PC: variants seen among roughly 807,000 people sequenced by gnomAD.
PC encodes pyruvate carboxylase, mitochondrial.
PC carries 46 observed loss-of-function variants against 107.8 expected under a neutral mutation model. The ratio of observed to expected loss-of-function variants is 0.43; its 90% CI spans 0.34 to 0.55. PC has a LOEUF of 0.55. PC is among the 20% of genes least tolerant of loss of function. The pLI is 0.04. For synonymous variants in PC, 662 were observed against 684.7 expected (o/e 0.97, Z 0.52); for missense variants, 1,241 against 1,643.1 (o/e 0.76, Z 4.23).
intron 10 of PC, among the ~76,000 whole-genome samples, chr11:66,868,411 A>G (rs1476070519): frequency 6.6e-6 from 1 of 152,278 alleles, no homozygotes; most frequent in Non-Finnish European, 1.5e-5. Context: ...AAAATTCTAT[A>G]TAAAACATCT....
At chr11:66,923,973 C>T (rs1225871849) in intron 3 of PC, among the ~76,000 whole-genome samples, 14 of 150,454 alleles carry the variant, frequency 9.3e-5, no homozygotes, top group African/African-American at 3.2e-4. Flanking sequence ...GAGGCTAGGG[C>T]CAGTGGATCA....
intron 3 of PC, among the ~76,000 whole-genome samples, chr11:66,877,997 C>A (rs937859600): frequency 6.6e-6 from 1 of 151,914 alleles, no homozygotes; most frequent in South Asian, 2.1e-4. Context: ...ATTGGGGATG[C>A]GTTATTTATA....
rs376815186 is a variant in PC, at chr11:66,856,444, G to A, written c.1369-3061C>T. On this transcript the variant is annotated intron_variant, in intron 12 of 22. Coordinates refer to ENST00000393960, the MANE Select transcript of PC (RefSeq NM_001040716.2). The stretch of plus-strand genomic sequence containing the variant: ...GCGGCGGGGGCGGGGCGCCTGCCCG[G>A]AGGCCAAGCCCTCTCGGCCCCACCC... 6.6e-5 allele frequency among the ~76,000 whole-genome samples: 10 copies of A among 152,122 alleles called. No individual in the cohort carries two copies. The East Asian group carries it at 1.7e-3, about 27-fold the overall frequency.
At chr11:66,905,594 A>G (rs1331533172) in intron 3 of PC, among the ~76,000 whole-genome samples, 1 of 152,236 alleles carries the variant, frequency 6.6e-6, no homozygotes, top group Non-Finnish European at 1.5e-5. Context: ...TAGGGATGTA[A>G]TACATGCTAC....
At chr11:66,913,279 T>C (rs571480553) in intron 3 of PC, among the ~76,000 whole-genome samples, 1 of 151,518 alleles carries the variant, frequency 6.6e-6, no homozygotes, top group Non-Finnish European at 1.5e-5. Context: ...CTAGGATGCA[T>C]GGGGCCCCAG....
chr11:66,901,617 C>A (rs559818488), intron 3 of PC, among the ~76,000 whole-genome samples: 4 of 152,246 alleles, frequency 2.6e-5, no homozygotes, highest in Admixed American at 6.5e-5. Flanking sequence ...ATTACAGGCA[C>A]CTGCCACCAT....
intron 3 of PC, among the ~76,000 whole-genome samples, chr11:66,903,050 G>C (rs372982348): frequency 6.6e-5 from 10 of 152,314 alleles, no homozygotes; most frequent in East Asian, 1.9e-4. Flanking sequence ...ACATTAGCAG[G>C]GGGGTGTTCA....
intron 3 of PC, among the ~76,000 whole-genome samples, chr11:66,943,511 C>T (rs138216216): frequency 1.5e-4 from 22 of 151,170 alleles, no homozygotes; most frequent in African/African-American, 9.7e-5. Flanking sequence ...GGCCGAGGCC[C>T]GGATCATGAG....
chr11:66,943,342 C>T (rs1257402813), intron 3 of PC, among the ~76,000 whole-genome samples: 3 of 151,970 alleles, frequency 2.0e-5, no homozygotes, highest in African/African-American at 2.4e-5. Context: ...CCTGTGAGGA[C>T]GCAGCCTGAA....
At chr11:66,924,836 T>C (rs547515289) in intron 3 of PC, among the ~76,000 whole-genome samples, 186 of 152,238 alleles carry the variant, frequency 1.2e-3, no homozygotes, top group African/African-American at 4.1e-3. Context: ...AGGGGAGGTA[T>C]CGGGGGAAAC....
At chr11:66,853,532 CT>C in intron 12 of PC, 149 bp from the exon 13 acceptor site, 1 of 907,078 alleles carries the variant, frequency 1.1e-6, no homozygotes, top group Non-Finnish European at 1.8e-6. Context: ...TTCCCCGTCC[CT>C]CAGCCCTCTC....
In PC at chr11:66,858,746, G is replaced by C; in HGVS notation, c.1368+5028C>G. The C allele has an allele frequency of 6.4e-7, 1 of 1,554,650 alleles. No individual in the cohort carries two copies. On this transcript the variant is annotated intron_variant, in intron 12 of 22. Transcript: ENST00000393960. This position sits in a 1 kb window ranked among gnomAD's most constrained non-coding sequence, Gnocchi z 5.9. ...CCCGAGCCCGGGCTTTCCCCAACGG[G>C]ACCTTAGAGATTGGGGTGACCGGCG...
At chr11:66,930,173 G>A (rs1430655427) in intron 3 of PC, among the ~76,000 whole-genome samples, 1 of 141,086 alleles carries the variant, frequency 7.1e-6, no homozygotes, top group Non-Finnish European at 1.5e-5. Context: ...TCCTTGGCAG[G>A]TAGAAAAACA....
chr11:66,873,445 T>A (rs1448832154), intron 3 of PC, among the ~76,000 whole-genome samples: 1 of 86,656 alleles, frequency 1.2e-5, no homozygotes, highest in African/African-American at 4.8e-5. Context: ...ATATATTATA[T>A]TATATATAAA....
chr11:66,944,821 A>C (rs1265577308), intron 3 of PC, among the ~76,000 whole-genome samples: 1 of 116,452 alleles, frequency 8.6e-6, no homozygotes, highest in African/African-American at 3.1e-5. Flanking sequence ...ATTGGGCCAC[A>C]TGTGCATCAG....
intron 3 of PC, among the ~76,000 whole-genome samples, chr11:66,878,629 G>C (rs1470217045): frequency 6.6e-6 from 1 of 152,234 alleles, no homozygotes; most frequent in Non-Finnish European, 1.5e-5. Flanking sequence ...ACTCCACCAA[G>C]AGCCGGAGGC....
intron 10 of PC, among the ~76,000 whole-genome samples, chr11:66,868,062 T>C (rs1946568719): frequency 6.6e-6 from 1 of 152,220 alleles, no homozygotes; most frequent in Non-Finnish European, 1.5e-5. Context: ...ATTTTGAAAA[T>C]GTCATCCTCA....
chr11:66,879,354 C>A (rs1161247021), intron 3 of PC, among the ~76,000 whole-genome samples: 1 of 152,234 alleles, frequency 6.6e-6, no homozygotes, highest in Non-Finnish European at 1.5e-5. Flanking sequence ...ACACCACGTG[C>A]TTTTGCCAAT....
At chr11:66,892,682 TA>T (rs530694685) in intron 3 of PC, among the ~76,000 whole-genome samples, 305 of 152,098 alleles carry the variant, frequency 2.0e-3, no homozygotes, top group Non-Finnish European at 3.7e-3. Context: ...CCGTCTCTAC[TA>T]AAAATACAAA....
Sources: gnomAD v4.1 joint callset for allele counts (sites outside exome capture counted in the v4.1 genomes callset) on GRCh38, gnomAD v4.1.1 for gene constraint, Gnocchi (gnomAD v3.1) non-coding constraint, MANE v1.5 for transcripts, NCBI Gene and HGNC (gene_info 2026-07-23, HGNC 2026-07-21) for gene names.